Variants in FRMD3 observed in about 807,000 individuals in gnomAD.
FRMD3 encodes the protein FERM domain containing 3.
FRMD3 carries 33 observed loss-of-function variants against 70.2 expected under a neutral mutation model. The ratio of observed to expected loss-of-function variants is 0.47; its 90% CI spans 0.36 to 0.63. The LOEUF is 0.63. FRMD3 is among the 20% of genes least tolerant of loss of function. The pLI is 0.00. For missense variants in FRMD3, 632 were observed against 711.4 expected (o/e 0.89, Z 1.27); for synonymous variants, 279 against 255.9 (o/e 1.09, Z -0.86).
chr9:83,484,933 T>A (rs551852869), intron 1 of FRMD3, among the ~76,000 whole-genome samples: 1 of 152,260 alleles, frequency 6.6e-6, no homozygotes, highest in African/African-American at 2.4e-5. Flanking sequence ...AAGGAAAACA[T>A]AATAGAAAGT....
intron 1 of FRMD3, among the ~76,000 whole-genome samples, chr9:83,394,836 C>A (rs1448587005): frequency 6.6e-6 from 1 of 152,200 alleles, no homozygotes; most frequent in Non-Finnish European, 1.5e-5. Context: ...GAAGATGCCA[C>A]TGTGTTCTAA....
intron 1 of FRMD3, among the ~76,000 whole-genome samples, chr9:83,472,121 T>A (rs960743503): frequency 1.3e-5 from 2 of 152,144 alleles, no homozygotes; most frequent in Non-Finnish European, 2.9e-5. Flanking sequence ...CCAGCCCTAT[T>A]TTCCCCAGAA....
chr9:83,258,419 C>A (rs1441758947), intron 13 of FRMD3, among the ~76,000 whole-genome samples: 1 of 152,214 alleles, frequency 6.6e-6, no homozygotes, highest in East Asian at 1.9e-4. Context: ...TGTACGTGCA[C>A]AAAACAGCTA....
chr9:83,294,069 C>T (rs114472585), intron 12 of FRMD3, among the ~76,000 whole-genome samples: 1 of 152,164 alleles, frequency 6.6e-6, no homozygotes, highest in Non-Finnish European at 1.5e-5. Context: ...CCTTAAAATT[C>T]ATTTGTTGAA....
chr9:83,317,193 T>TACACACACACACACAC (rs71823603), intron 6 of FRMD3, among the ~76,000 whole-genome samples: 1 of 145,030 alleles, frequency 6.9e-6, no homozygotes, highest in African/African-American at 2.6e-5. Context: ...CTCTCATGCA[T>TACACACACACACACAC]ACACACACAC....
intron 12 of FRMD3, among the ~76,000 whole-genome samples, chr9:83,292,411 C>T (rs1368066824): frequency 1.3e-5 from 2 of 152,066 alleles, no homozygotes; most frequent in Admixed American, 6.5e-5. Flanking sequence ...CTGCCCATCT[C>T]GGCCTCCCAA....
chr9:83,385,292 C>T (rs1434898410), intron 2 of FRMD3, among the ~76,000 whole-genome samples: 1 of 152,042 alleles, frequency 6.6e-6, no homozygotes, highest in East Asian at 1.9e-4. Flanking sequence ...AGAATACCAC[C>T]CACTTTTTCC....
At chr9:83,507,114 A>G (rs1829199874) in intron 1 of FRMD3, among the ~76,000 whole-genome samples, 1 of 152,114 alleles carries the variant, frequency 6.6e-6, no homozygotes, top group Admixed American at 6.5e-5. Flanking sequence ...TAATCCCAGC[A>G]CTTTGGGAGG....
At chr9:83,326,543 T>C (rs1836025125) in intron 6 of FRMD3, among the ~76,000 whole-genome samples, 1 of 152,166 alleles carries the variant, frequency 6.6e-6, no homozygotes, top group East Asian at 1.9e-4. Flanking sequence ...GCAGGGACCC[T>C]GATAGGACTG....
At chr9:83,500,500 GCGCACACACACACA>G (rs1399256420) in intron 1 of FRMD3, among the ~76,000 whole-genome samples, 1 of 136,632 alleles carries the variant, frequency 7.3e-6, no homozygotes. Context: ...GCGTGTATGC[GCGCACACACACACA>G]CACACACACA....
Position 83,349,737 on chromosome 9 carries a change from A to G in FRMD3, c.316T>C (p.Cys106Arg). 6.2e-7 allele frequency: 1 copy of G among 1,611,828 alleles called. No individual in the cohort carries two copies. Among genetic ancestry groups the G allele is most frequent in the Non-Finnish European group, 8.5e-7 (1 of 1,178,486 alleles). Residue 106 changes from cysteine (C) to arginine (R), a missense_variant, in exon 4 of 14, where the codon TGC (cysteine) becomes CGC (arginine). Physicochemically the swap from Cys to Arg is radical, Grantham distance 180. Transcript: ENST00000304195. ...TGTGGGTAGAATTTCACTCTAAAGC[A>G]CATGGTGTATGGTGGATGAGCTGAA... ...QMKTHPPYTM[C>R]FRVKFYPHEP...
intron 1 of FRMD3, among the ~76,000 whole-genome samples, chr9:83,437,802 G>T (rs188805677): frequency 1.2e-4 from 19 of 152,318 alleles, no homozygotes; most frequent in Non-Finnish European, 4.4e-5. Context: ...CCTAGTACTT[G>T]ATTTCTCTTT....
At chr9:83,302,783 T>C (rs572322269) in intron 10 of FRMD3, among the ~76,000 whole-genome samples, 32 of 152,112 alleles carry the variant, frequency 2.1e-4, no homozygotes, top group South Asian at 6.2e-4. Flanking sequence ...TACCAGACTC[T>C]CCCATCAACA....
chr9:83,505,983 A>G (rs1829172970), intron 1 of FRMD3, among the ~76,000 whole-genome samples: 1 of 152,142 alleles, frequency 6.6e-6, no homozygotes, highest in Non-Finnish European at 1.5e-5. Context: ...GAGTCCCCCA[A>G]CAAGAACTTG....
chr9:83,398,121 TA>T (rs990976251), intron 1 of FRMD3, among the ~76,000 whole-genome samples: 1 of 152,196 alleles, frequency 6.6e-6, no homozygotes, highest in African/African-American at 2.4e-5. Context: ...TATTCTGCTA[TA>T]AAAAAACTCA....
chr9:83,460,572 T>C (rs1019423700), intron 1 of FRMD3, among the ~76,000 whole-genome samples: 5 of 152,320 alleles, frequency 3.3e-5, no homozygotes, highest in South Asian at 4.1e-4. Context: ...TTCCATAATT[T>C]TCATTTAAAA....
At chr9:83,546,890 C>CAAAAAAAA in the FRMD3 span, among the ~76,000 whole-genome samples, 21 of 64,144 alleles carry the variant, frequency 3.3e-4, 3 homozygotes, top group African/African-American at 5.2e-4. Flanking sequence ...GACTCTGTCT[C>CAAAAAAAA]AAAAAAAAAA....
chr9:83,392,490 A>G (rs1178364104), intron 1 of FRMD3, among the ~76,000 whole-genome samples: 1 of 152,176 alleles, frequency 6.6e-6, no homozygotes, highest in African/African-American at 2.4e-5. Context: ...TATACCTCAC[A>G]TCAGAAGAGA....
chr9:83,522,113 G>A (rs1829583802), intron 1 of FRMD3, among the ~76,000 whole-genome samples: 1 of 152,148 alleles, frequency 6.6e-6, no homozygotes, highest in Non-Finnish European at 1.5e-5. Flanking sequence ...ATACAATTTT[G>A]GCTGAGACAT....
Sources: allele counts gnomAD v4.1 joint callset (sites outside exome capture counted in the v4.1 genomes callset), GRCh38; gene constraint gnomAD v4.1.1; transcripts MANE v1.5; gene names NCBI Gene and HGNC (gene_info 2026-07-23, HGNC 2026-07-21).